The following C10orf67 variants were observed in gnomAD, a reference collection of about 807,000 sequenced individuals.
The protein encoded by C10orf67 is chromosome 10 open reading frame 67.
C10orf67 carries 60 observed loss-of-function variants against 35.6 expected under a neutral mutation model. That is an observed-to-expected ratio of 1.68 (90% CI 1.37 to 2.09). The LOEUF is 2.09. Ranked by LOEUF, C10orf67 falls within the 30% of genes most tolerant of loss-of-function variation. The pLI is 0.00. For missense variants in C10orf67, 474 were observed against 330.2 expected (o/e 1.44, Z -3.38); for synonymous variants, 167 against 115.8 (o/e 1.44, Z -2.84).
intron 15 of C10orf67, among the ~76,000 whole-genome samples, chr10:23,221,060 C>G (rs1811191674): frequency 6.6e-6 from 1 of 152,120 alleles, no homozygotes; most frequent in African/African-American, 2.4e-5. Context: ...TTAGTCCATT[C>G]TCATGCTGCT....
Position 23,303,478 on chromosome 10 carries a change from A to T in C10orf67, c.547-19T>A. The stretch of plus-strand genomic sequence containing the variant: ...AGAATTGCTAGGGACAAAAAAAAGC[A>T]GCATTAAAAATTAGACACTAAGCAT... On this transcript the variant is annotated intron_variant, in intron 4 of 15. Coordinates refer to ENST00000636213, the MANE Select transcript of C10orf67 (RefSeq NM_001371909.1). 1 of 502,088 alleles carries T rather than the reference A, an allele frequency of 2.0e-6. No individual in the cohort carries two copies. Among genetic ancestry groups the T allele is most frequent in the Non-Finnish European group, 3.6e-6 (1 of 276,308 alleles). The allele number at this position is 502,088 out of a possible 1,614,324, so 31.1% of individuals were successfully genotyped here.
At chr10:23,333,876 G>A (rs944539285) in intron 1 of C10orf67, among the ~76,000 whole-genome samples, 3 of 152,116 alleles carry the variant, frequency 2.0e-5, no homozygotes, top group Non-Finnish European at 2.9e-5. Context: ...GAGGCAGGAG[G>A]ATTGCTTGAG....
At chr10:23,263,240 T>C (rs993465526) in intron 10 of C10orf67, among the ~76,000 whole-genome samples, 4 of 152,198 alleles carry the variant, frequency 2.6e-5, no homozygotes, top group Non-Finnish European at 5.9e-5. Flanking sequence ...ATTGTTTTCT[T>C]CTCTCATAGA....
intron 12 of C10orf67, among the ~76,000 whole-genome samples, chr10:23,241,207 T>C (rs568347419): frequency 1.3e-5 from 2 of 152,370 alleles, no homozygotes; most frequent in South Asian, 4.1e-4. Flanking sequence ...TAGCTATTAT[T>C]GACATTTATG....
At chr10:23,344,013 C>T in intron 1 of C10orf67, 1 of 419,120 alleles carries the variant, frequency 2.4e-6, no homozygotes, top group Non-Finnish European at 5.0e-6. Flanking sequence ...CAGCCCCGGA[C>T]GTGCGCCTCC....
chr10:23,299,645 T>A (rs1377108806), intron 5 of C10orf67, among the ~76,000 whole-genome samples: 1 of 152,078 alleles, frequency 6.6e-6, no homozygotes, highest in Non-Finnish European at 1.5e-5. Context: ...CCTTGGATAG[T>A]GACAGATCTG....
intron 1 of C10orf67, among the ~76,000 whole-genome samples, chr10:23,335,592 T>C (rs1377964173): frequency 6.6e-6 from 1 of 152,166 alleles, no homozygotes; most frequent in African/African-American, 2.4e-5. Flanking sequence ...TGTCATAGTT[T>C]TTTCATCATA....
chr10:23,322,521 T>C lies in C10orf67; in HGVS notation c.344A>G (p.Gln115Arg). The change falls in exon 3 of 16, where the codon CAG (glutamine) becomes CGG (arginine). Residue 115 changes from glutamine (Q) to arginine (R), a missense_variant. Coordinates refer to ENST00000636213, the MANE Select transcript of C10orf67 (RefSeq NM_001371909.1). The stretch of plus-strand genomic sequence containing the variant: ...TTGTTTGAGGAACCCAAAATCTACC[T>C]GGAGGGATTTCATCATCTAAAAATG... ...QKLAQMMKSLQVDFGFLKQLL... is the reference protein window; with the variant it reads ...QKLAQMMKSLRVDFGFLKQLL... 6.2e-7 allele frequency: 1 copy of C among 1,606,580 alleles called. No individual in the cohort carries two copies.
At chr10:23,222,997 A>C (rs958425) in intron 15 of C10orf67, among the ~76,000 whole-genome samples, 37,683 of 152,018 alleles carry the variant, frequency 0.25, 5,656 homozygotes, top group African/African-American at 0.4. Context: ...ATTTAACAGG[A>C]GCTTCAGGTT....
intron 13 of C10orf67, among the ~76,000 whole-genome samples, chr10:23,230,568 AG>A: frequency 6.6e-6 from 1 of 152,212 alleles, no homozygotes; most frequent in Non-Finnish European, 1.5e-5. Context: ...TAACTGGTAA[AG>A]GATTAGTATC....
chr10:23,343,462 G>C (rs927007089), intron 1 of C10orf67, among the ~76,000 whole-genome samples: 1 of 152,182 alleles, frequency 6.6e-6, no homozygotes, highest in African/African-American at 2.4e-5. Context: ...ACAAATTCCT[G>C]TTGCTTATAA....
intron 10 of C10orf67, among the ~76,000 whole-genome samples, chr10:23,265,194 G>T (rs886816518): frequency 6.6e-6 from 1 of 152,196 alleles, no homozygotes; most frequent in South Asian, 2.1e-4. Flanking sequence ...TTCCAGTAGC[G>T]CAACAAGCCT....
chr10:23,287,160 A>G (rs1434481604), intron 7 of C10orf67, among the ~76,000 whole-genome samples: 1 of 152,236 alleles, frequency 6.6e-6, no homozygotes, highest in Non-Finnish European at 1.5e-5. Flanking sequence ...AAGACCCTGT[A>G]CAGCCAAGAC....
At chr10:23,320,589 G>A (rs1273910552) in intron 4 of C10orf67, among the ~76,000 whole-genome samples, 152 bp downstream of exon 4, 3 of 152,064 alleles carry the variant, frequency 2.0e-5, no homozygotes, top group Non-Finnish European at 4.4e-5. Context: ...AACAGTCCTA[G>A]GCCTGATCCC....
rs964663199 is a variant in C10orf67 at position 23,303,028 on chromosome 10, A to AT, written c.702+275dup. Among the ~76,000 whole-genome samples, 8 of 152,318 alleles carry AT rather than the reference A, an allele frequency of 5.3e-5. No homozygotes were observed. The South Asian group carries it at 6.2e-4, about 12-fold the overall frequency. ...CTCCCACACTCTTCTAGAGTAGGAC[A>AT]TTTTTTGCAGTGGGAGGTAAGTTAT... is the stretch of plus-strand genomic sequence containing the variant. On this transcript the variant is annotated intron_variant, in intron 5 of 15. Transcript: ENST00000636213.
chr10:23,238,030 A>G (rs1179954204), intron 13 of C10orf67, among the ~76,000 whole-genome samples: 1 of 152,150 alleles, frequency 6.6e-6, no homozygotes, highest in Non-Finnish European at 1.5e-5. Flanking sequence ...TCTTTTTCAC[A>G]CTGTAGATCA....
At chr10:23,251,062 A>ACT (rs1400131082) in intron 10 of C10orf67, among the ~76,000 whole-genome samples, 2 of 152,048 alleles carry the variant, frequency 1.3e-5, no homozygotes, top group Non-Finnish European at 2.9e-5. Flanking sequence ...ATGTCACTGC[A>ACT]CTCCAGCCTG....
intron 3 of C10orf67, among the ~76,000 whole-genome samples, chr10:23,321,016 G>C (rs1356804945): frequency 6.6e-6 from 1 of 152,154 alleles, no homozygotes; most frequent in Non-Finnish European, 1.5e-5. Flanking sequence ...AAGCAATAGA[G>C]AGATCATATA....
At chr10:23,294,367 G>GCA (rs149905993) in intron 5 of C10orf67, among the ~76,000 whole-genome samples, 3,897 of 148,680 alleles carry the variant, frequency 0.026, 59 homozygotes, top group Admixed American at 0.04. Flanking sequence ...ACATGCACAG[G>GCA]CACACACACA....
Sources: gnomAD v4.1 joint callset for allele counts (sites outside exome capture counted in the v4.1 genomes callset) on GRCh38, gnomAD v4.1.1 for gene constraint, MANE v1.5 for transcripts, NCBI Gene and HGNC (gene_info 2026-07-23, HGNC 2026-07-21) for gene names.